The following HIPK2 variants were observed in gnomAD, a reference collection of about 807,000 sequenced individuals.
The protein encoded by HIPK2 is homeodomain interacting protein kinase 2.
Under a neutral mutation model 113.7 loss-of-function variants are expected in HIPK2, and 27 were observed. That is an observed-to-expected ratio of 0.24 (90% CI 0.17 to 0.33). The LOEUF (loss-of-function observed/expected upper bound fraction) is 0.33. Among genes scored for constraint, HIPK2 ranks in the 10% least tolerant of loss-of-function variants. The pLI is 1.00. For missense variants in HIPK2, 1,257 were observed against 1,588.0 expected (o/e 0.79, Z 3.54); for synonymous variants, 631 against 642.2 (o/e 0.98, Z 0.26).
At chr7:139,584,297 G>A (rs543186018) in intron 12 of HIPK2, among the ~76,000 whole-genome samples, 1 of 152,238 alleles carries the variant, frequency 6.6e-6, no homozygotes, top group South Asian at 2.1e-4. Context: ...ACCCACAGGG[G>A]CTTCTGGAAA....
At chr7:139,655,680 T>A (rs1424130949) in intron 2 of HIPK2, among the ~76,000 whole-genome samples, 1 of 152,190 alleles carries the variant, frequency 6.6e-6, no homozygotes. Flanking sequence ...CCCTCTTTCA[T>A]TTCCTAAGCA....
chr7:139,731,427 C>T (rs770639522), intron 1 of HIPK2, among the ~76,000 whole-genome samples: 2 of 152,352 alleles, frequency 1.3e-5, no homozygotes, highest in Admixed American at 1.3e-4. Flanking sequence ...ATCTAAAGTT[C>T]GATCTGTTCT....
At chr7:139,610,083 C>G (rs1387898589) in intron 9 of HIPK2, among the ~76,000 whole-genome samples, 1 of 152,216 alleles carries the variant, frequency 6.6e-6, no homozygotes, top group African/African-American at 2.4e-5. Flanking sequence ...ACTCTAGGGA[C>G]TCTCTTTCAA....
In HIPK2 at chr7:139,716,707, C is replaced by A; in HGVS notation, c.328G>T (p.Gly110Ter). ...STSVTGQVLG[G>*]PHNLMRRSTV... The stretch of plus-strand genomic sequence containing the variant: ...CTTCGACGCATTAGGTTGTGTGGTC[C>A]GCCGAGGACTTGCCCGGTGACAGAA... Residue 110 changes from glycine (G) to a stop codon, truncating the protein, a stop_gained, in exon 2 of 15, where the codon GGA becomes TGA. Transcript: ENST00000406875. LOFTEE classifies it high-confidence loss of function. This position sits in a 1 kb window ranked among gnomAD's most constrained non-coding sequence, Gnocchi z 9.3. 2 of 1,613,784 alleles carry A rather than the reference C, an allele frequency of 1.2e-6. No homozygotes were observed. The highest frequency in any genetic ancestry group is 8.5e-7 in the Non-Finnish European group (1 of 1,179,842).
intron 14 of HIPK2, among the ~76,000 whole-genome samples, chr7:139,574,754 G>A (rs1015323951): frequency 5.9e-5 from 9 of 152,224 alleles, no homozygotes; most frequent in African/African-American, 1.4e-4. Context: ...GCAATGAGTC[G>A]GATGCAGGTC....
At chr7:139,610,751 G>T (rs189468743) in intron 9 of HIPK2, among the ~76,000 whole-genome samples, 78 of 152,330 alleles carry the variant, frequency 5.1e-4, no homozygotes, top group African/African-American at 1.7e-3. Context: ...TAACAAAGTT[G>T]TGAGTTGTTT....
chr7:139,621,941 AAAAT>A (rs1800248605), intron 6 of HIPK2, among the ~76,000 whole-genome samples: 1 of 151,410 alleles, frequency 6.6e-6, no homozygotes, highest in African/African-American at 2.4e-5. Context: ...AAAAAAAAAA[AAAAT>A]TAAAAGAAAA....
At chr7:139,731,659 C>G (rs1268275632) in intron 1 of HIPK2, among the ~76,000 whole-genome samples, 3 of 152,190 alleles carry the variant, frequency 2.0e-5, no homozygotes, top group Non-Finnish European at 4.4e-5. Flanking sequence ...GCAAAGAAAA[C>G]TTTGTGAAAG....
At chr7:139,757,611 T>C (rs974540195) in intron 1 of HIPK2, among the ~76,000 whole-genome samples, 1 of 152,174 alleles carries the variant, frequency 6.6e-6, no homozygotes, top group Non-Finnish European at 1.5e-5. Context: ...AGAAGCCAGC[T>C]GCAAAAGACC....
At chr7:139,601,393 AATT>A (rs1308237410) in intron 10 of HIPK2, among the ~76,000 whole-genome samples, 9 of 152,222 alleles carry the variant, frequency 5.9e-5, no homozygotes, top group African/African-American at 1.9e-4. Flanking sequence ...TTAAAGAAGA[AATT>A]ATACTTTACG....
chr7:139,657,434 A>C (rs1266849527), intron 2 of HIPK2, among the ~76,000 whole-genome samples: 2 of 152,180 alleles, frequency 1.3e-5, no homozygotes, highest in Non-Finnish European at 2.9e-5. Context: ...CCAAATCCCC[A>C]GGCCTTATCT....
At chr7:139,757,698 T>C (rs950463954) in intron 1 of HIPK2, among the ~76,000 whole-genome samples, 2 of 151,580 alleles carry the variant, frequency 1.3e-5, no homozygotes, top group South Asian at 4.2e-4. Flanking sequence ...CTGGGGGAGG[T>C]TGAGAAGGGG....
At position 139,618,671 on chromosome 7, in the gene HIPK2, C is replaced by T. The variant is rs563636927; in HGVS notation, c.1782+1730G>A. ...AAGATGGCGGTGGCCCCCCACCCCGCGTCTGGTCAGGGACCACAGTTCTCC... is the reference window on the plus strand; with the variant it reads ...AAGATGGCGGTGGCCCCCCACCCCGTGTCTGGTCAGGGACCACAGTTCTCC... On this transcript the variant is annotated intron_variant, in intron 7 of 14. Coordinates refer to ENST00000406875, the MANE Select transcript of HIPK2 (RefSeq NM_022740.5). Among the ~76,000 whole-genome samples the T allele has an allele frequency of 3.5e-4, 54 of 152,308 alleles. 1 individual carries two copies. The South Asian group carries it at 0.011, about 31-fold the overall frequency.
rs1028694145 is a variant in HIPK2, at chr7:139,649,780, A to G, written c.1104-18055T>C. Among the ~76,000 whole-genome samples, 76 of 152,072 alleles carry G rather than the reference A, an allele frequency of 5.0e-4. 2 individuals are homozygous for G. The highest frequency in any genetic ancestry group is 8.8e-5 in the Non-Finnish European group (6 of 68,010). ...AAAGCAGGGACTACTCTTTGTTCAG[A>G]GTGATTTTCCTTTCAAATCTTTACA... On this transcript the variant is annotated intron_variant, in intron 2 of 14. Transcript: ENST00000406875.
chr7:139,755,540 C>T (rs766280438), intron 1 of HIPK2, among the ~76,000 whole-genome samples: 1 of 152,242 alleles, frequency 6.6e-6, no homozygotes, highest in Non-Finnish European at 1.5e-5. Flanking sequence ...CCTGAGCTGA[C>T]GGGGAAAATC....
intron 11 of HIPK2, among the ~76,000 whole-genome samples, chr7:139,598,731 G>T (rs188564762): frequency 1.3e-5 from 2 of 152,348 alleles, no homozygotes; most frequent in East Asian, 3.9e-4. Flanking sequence ...GGAGGCTAAG[G>T]GTTCTTACTG....
chr7:139,777,685 C>G lies in HIPK2; in HGVS notation c.-62G>C, dbSNP rs1034441356. On this transcript the variant is annotated 5_prime_UTR_variant, in exon 1 of 15. Transcript: ENST00000406875. ...CGGGAAAGCGGCGCGCGAGCTCGGC[C>G]CCCCCAGCCTCAGTCGGAATCTGCC... 2 of 1,085,086 alleles carry G rather than the reference C, an allele frequency of 1.8e-6. No individual in the cohort carries two copies. The highest frequency in any genetic ancestry group is 2.2e-6 in the Non-Finnish European group (2 of 892,800). The allele number at this position is 1,085,086 out of a possible 1,614,324, so 67.2% of individuals were successfully genotyped here.
In HIPK2 at chr7:139,717,296, A is replaced by AT. The variant is rs947815665; in HGVS notation, c.20-282dup. Among the ~76,000 whole-genome samples, 15 of 151,454 alleles carry AT rather than the reference A, an allele frequency of 9.9e-5. No homozygotes were observed. In the South Asian group the frequency reaches 1.0e-3, roughly 11 times the overall value. ...TTCCAATATCAGGACATAGGTCACCATTTTTTTTTGTAAACATTACTTGTG... is the reference window on the plus strand; with the variant it reads ...TTCCAATATCAGGACATAGGTCACCATTTTTTTTTTGTAAACATTACTTGTG... On this transcript the variant is annotated intron_variant, in intron 1 of 14. Transcript: ENST00000406875.
chr7:139,699,352 A>T (rs919668680), intron 2 of HIPK2, among the ~76,000 whole-genome samples: 1 of 152,082 alleles, frequency 6.6e-6, no homozygotes, highest in Non-Finnish European at 1.5e-5. Flanking sequence ...GGCGAAATGG[A>T]AAGTATTTAA....
Sources: gnomAD v4.1 joint callset for allele counts (sites outside exome capture counted in the v4.1 genomes callset) on GRCh38, gnomAD v4.1.1 for gene constraint, Gnocchi (gnomAD v3.1) non-coding constraint, MANE v1.5 for transcripts, NCBI Gene and HGNC (gene_info 2026-07-23, HGNC 2026-07-21) for gene names.